Variants in SH3PXD2A observed in about 807,000 individuals in gnomAD.
SH3PXD2A encodes SH3 and PX domain-containing protein 2A.
In SH3PXD2A, 32 loss-of-function variants were observed where a neutral mutation model predicts 115.2. That is an observed-to-expected ratio of 0.28 (90% confidence interval 0.21 to 0.37). The LOEUF (loss-of-function observed/expected upper bound fraction) is 0.37, where lower values mean the gene tolerates loss of function less well. SH3PXD2A is among the 10% of genes least tolerant of loss of function. SH3PXD2A has a pLI of 1.00. For synonymous variants in SH3PXD2A, 610 were observed against 629.1 expected, an observed-to-expected ratio of 0.97 and a Z score of 0.45; for missense variants, 1,328 against 1,498.7, an observed-to-expected ratio of 0.89 and a Z score of 1.88.
chr10:103,658,985 C>T (rs573508209), intron 8 of SH3PXD2A, among the ~76,000 whole-genome samples: 7 of 152,358 alleles, frequency 4.6e-5, no homozygotes, highest in Admixed American at 6.5e-5. Context: ...ACACAGTCTG[C>T]GTGCCAGACT....
At chr10:103,845,312 C>T (rs2134322650) in intron 1 of SH3PXD2A, among the ~76,000 whole-genome samples, 1 of 130,094 alleles carries the variant, frequency 7.7e-6, no homozygotes, top group South Asian at 2.4e-4. Context: ...GCCTGGACGA[C>T]AGAGCGAGAC....
intron 5 of SH3PXD2A, among the ~76,000 whole-genome samples, chr10:103,717,746 C>T (rs948574224): frequency 8.5e-5 from 13 of 152,218 alleles, no homozygotes; most frequent in African/African-American, 2.7e-4. Context: ...CAGTTGACCA[C>T]GTGGTGAGTC....
intron 1 of SH3PXD2A, among the ~76,000 whole-genome samples, chr10:103,830,403 G>A (rs886975016): frequency 1.3e-5 from 2 of 152,234 alleles, no homozygotes; most frequent in African/African-American, 4.8e-5. Context: ...AAGTGTTGAT[G>A]AGGATGTAGG....
chr10:103,628,133 C>T (rs2036725963), intron 8 of SH3PXD2A, among the ~76,000 whole-genome samples: 1 of 152,164 alleles, frequency 6.6e-6, no homozygotes, highest in African/African-American at 2.4e-5. Flanking sequence ...CAGGTGGGCT[C>T]AGCACTGGGA....
intron 1 of SH3PXD2A, among the ~76,000 whole-genome samples, chr10:103,847,605 A>G (rs551114919): frequency 6.6e-6 from 1 of 152,304 alleles, no homozygotes; most frequent in Admixed American, 6.5e-5. Flanking sequence ...GATTACAGTC[A>G]TGAGCCACCA....
chr10:103,730,079 C>T (rs745864220), intron 4 of SH3PXD2A, among the ~76,000 whole-genome samples: 4 of 152,236 alleles, frequency 2.6e-5, no homozygotes, highest in Non-Finnish European at 5.9e-5. Flanking sequence ...TGCCTCGAAA[C>T]GGTCATCCTC....
intron 5 of SH3PXD2A, among the ~76,000 whole-genome samples, chr10:103,710,323 C>T (rs1438139199): frequency 4.0e-5 from 6 of 151,614 alleles, no homozygotes; most frequent in Admixed American, 3.3e-4. Context: ...TGCAGTGAGT[C>T]GAGATCGCAC....
At chr10:103,656,988 A>G (rs1340243983) in intron 8 of SH3PXD2A, among the ~76,000 whole-genome samples, 1 of 151,728 alleles carries the variant, frequency 6.6e-6, no homozygotes, top group African/African-American at 2.4e-5. Context: ...CAGTCTCTTG[A>G]GAAAGTCTGA....
Position 103,602,827 on chromosome 10 carries a change from A to G in SH3PXD2A, c.2391T>C (p.Ser797=), listed in dbSNP as rs1295430106. ...TCTGCGGGGGCAGCTCCGAATCCTC[A>G]CTCTTGGAGCCCTTGAGCCCTCCAC... The part of the protein sequence containing the change: ...QLRGGLKGSK[S]EDSELPPQTA... Residue 797 remains serine (S), a synonymous_variant, in exon 15 of 15, where the codon AGT becomes AGC. Transcript: ENST00000369774. 6.2e-7 allele frequency: 1 copy of G among 1,612,934 alleles called. No homozygotes were observed.
At chr10:103,803,761 A>G (rs1159214699) in intron 1 of SH3PXD2A, among the ~76,000 whole-genome samples, 3 of 152,242 alleles carry the variant, frequency 2.0e-5, no homozygotes, top group African/African-American at 7.2e-5. Flanking sequence ...ATCAGTTTAG[A>G]AAGTGTATTT....
intron 13 of SH3PXD2A, among the ~76,000 whole-genome samples, chr10:103,607,183 C>T (rs1464873978): frequency 4.0e-5 from 6 of 150,866 alleles, no homozygotes; most frequent in South Asian, 2.1e-4. Flanking sequence ...TCTCCCCGGC[C>T]GCGACCCCGT....
At chr10:103,634,214 A>G (rs2036831366) in intron 8 of SH3PXD2A, among the ~76,000 whole-genome samples, 1 of 152,192 alleles carries the variant, frequency 6.6e-6, no homozygotes, top group Non-Finnish European at 1.5e-5. Context: ...AAGAATGAAG[A>G]AGAGGAGAGG....
At chr10:103,711,298 G>A (rs1012770501) in intron 5 of SH3PXD2A, among the ~76,000 whole-genome samples, 1 of 152,256 alleles carries the variant, frequency 6.6e-6, no homozygotes, top group Non-Finnish European at 1.5e-5. Flanking sequence ...TCATTGTGGT[G>A]CAGCCTCTTG....
chr10:103,810,405 A>T (rs1214533003), intron 1 of SH3PXD2A, among the ~76,000 whole-genome samples: 1 of 152,234 alleles, frequency 6.6e-6, no homozygotes, highest in Non-Finnish European at 1.5e-5. Context: ...ACGGAGGGAC[A>T]GTGCAAGATG....
chr10:103,651,340 G>C (rs1289963785), intron 8 of SH3PXD2A, among the ~76,000 whole-genome samples: 1 of 152,242 alleles, frequency 6.6e-6, no homozygotes, highest in Non-Finnish European at 1.5e-5. Flanking sequence ...TGTGGGAAAA[G>C]AGTCAACATG....
At chr10:103,703,512 C>T (rs1337222861) in intron 5 of SH3PXD2A, among the ~76,000 whole-genome samples, 1 of 152,184 alleles carries the variant, frequency 6.6e-6, no homozygotes, top group Admixed American at 6.5e-5. Flanking sequence ...AAGGAAGGGG[C>T]ACCTCCTCCA....
chr10:103,844,555 GGGCAAGTTCCCCATGA>G (rs1234605255), intron 1 of SH3PXD2A, among the ~76,000 whole-genome samples: 2 of 152,218 alleles, frequency 1.3e-5, no homozygotes, highest in Non-Finnish European at 2.9e-5. Context: ...AAAGCAACCA[GGGCAAGTTCCCCATGA>G]GGAGCACCTT....
chr10:103,691,775 A>C (rs560688172), intron 6 of SH3PXD2A, among the ~76,000 whole-genome samples: 2 of 152,150 alleles, frequency 1.3e-5, no homozygotes, highest in South Asian at 4.2e-4. Flanking sequence ...CTATGCACCC[A>C]AACAAGTAAA....
chr10:103,747,706 G>T (rs998307782), intron 3 of SH3PXD2A, among the ~76,000 whole-genome samples: 1 of 152,226 alleles, frequency 6.6e-6, no homozygotes, highest in Non-Finnish European at 1.5e-5. Flanking sequence ...AGGCCTGTCG[G>T]TAAAGGGCCC....
Sources: allele counts gnomAD v4.1 joint callset (sites outside exome capture counted in the v4.1 genomes callset), GRCh38; gene constraint gnomAD v4.1.1; transcripts MANE v1.5; gene names NCBI Gene and HGNC (gene_info 2026-07-23, HGNC 2026-07-21).